The following RFT1 variants were observed in gnomAD, a reference collection of about 807,000 sequenced individuals.
RFT1 encodes the protein man(5)GlcNAc(2)-PP-dolichol translocation protein RFT1.
A neutral mutation model predicts 62.2 loss-of-function variants in RFT1; 43 were observed. That is an observed-to-expected ratio of 0.69 (90% CI 0.54 to 0.89). RFT1 has a LOEUF of 0.89. RFT1 is among the 40% of genes least tolerant of loss of function. The probability of loss-of-function intolerance (pLI) is 0.00; values close to 1 mark genes in which losing one functional copy is unlikely to be tolerated. For synonymous variants in RFT1, 262 were observed against 264.6 expected, an observed-to-expected ratio of 0.99 and a Z score of 0.10; for missense variants, 605 against 649.9, an observed-to-expected ratio of 0.93 and a Z score of 0.75.
downstream of RFT1, among the ~76,000 whole-genome samples, chr3:53,087,272 C>T (rs549512835): frequency 3.3e-5 from 5 of 152,098 alleles, no homozygotes; most frequent in South Asian, 2.1e-4. Context: ...ATCCCCTGTT[C>T]GGATTCTCTC....
intron 11 of RFT1, among the ~76,000 whole-genome samples, chr3:53,098,833 C>T (rs1701228771): frequency 6.9e-6 from 1 of 144,832 alleles, no homozygotes; most frequent in African/African-American, 2.5e-5. Flanking sequence ...AAAAGAACCA[C>T]TGGTAGGGGA....
At chr3:53,123,894 C>T (rs1421853639) in intron 2 of RFT1, 54 bp from the exon 3 acceptor site, 8 of 1,436,826 alleles carry the variant, frequency 5.6e-6, no homozygotes, top group Non-Finnish European at 7.8e-6. Context: ...ATAGAGAGAA[C>T]TTCTGGGATT....
the RFT1 span, chr3:53,077,785 C>T: frequency 1.3e-5 from 2 of 152,268 alleles, no homozygotes; most frequent in African/African-American, 4.8e-5. Context: ...TTGTGCTCAG[C>T]AGGGACACCA....
At chr3:53,109,439 A>C (rs756628764) in intron 7 of RFT1, among the ~76,000 whole-genome samples, 1 of 152,236 alleles carries the variant, frequency 6.6e-6, no homozygotes, top group Non-Finnish European at 1.5e-5. Flanking sequence ...CATTCATCTC[A>C]GTATTCTCAG....
downstream of RFT1, among the ~76,000 whole-genome samples, chr3:53,084,582 C>T (rs182465243): frequency 4.6e-5 from 7 of 152,266 alleles, no homozygotes; most frequent in East Asian, 1.9e-4. Flanking sequence ...TCACTGACTG[C>T]GATGACAGCT....
intron 1 of RFT1, among the ~76,000 whole-genome samples, chr3:53,127,652 T>TAAAA (rs34417920): frequency 7.3e-6 from 1 of 137,844 alleles, no homozygotes. Context: ...GACTCCATCT[T>TAAAA]AAAAAAAAAA....
intron 1 of RFT1, 77 bp from the exon 2 acceptor site, chr3:53,126,071 G>T: frequency 8.5e-7 from 1 of 1,173,708 alleles, no homozygotes; most frequent in Non-Finnish European, 1.2e-6. Context: ...GAACAATGTG[G>T]CTGTTCTTCC....
intron 6 of RFT1, among the ~76,000 whole-genome samples, chr3:53,119,047 CA>C (rs11328739): frequency 0.26 from 39,733 of 151,252 alleles, 5,604 homozygotes; most frequent in Middle Eastern, 0.39. Context: ...CCTGTCTCTA[CA>C]AAAAAAAATT....
At chr3:53,087,243 A>G (rs911248108), downstream of RFT1, among the ~76,000 whole-genome samples, 1 of 152,194 alleles carries the variant, frequency 6.6e-6, no homozygotes, top group African/African-American at 2.4e-5. Context: ...TCAAAAAATA[A>G]ATAAAATATG....
intron 9 of RFT1, 39 bp downstream of exon 9, chr3:53,105,634 G>T: frequency 6.2e-7 from 1 of 1,609,414 alleles, no homozygotes; most frequent in Middle Eastern, 1.7e-4. Flanking sequence ...CAATTAAAGG[G>T]AGAATTCACT....
rs888368815 is a variant in RFT1 at position 53,128,349 on chromosome 3, T to A, written c.63+1989A>T. On this transcript the variant is annotated intron_variant, in intron 1 of 12. Coordinates refer to ENST00000296292, the MANE Select transcript of RFT1 (RefSeq NM_052859.4). ...TACATACTTATGTTAACCTCAAAGT[T>A]ACCACTGTCTAAGAAACTTAATGTT... Among the ~76,000 whole-genome samples, 4 of 152,222 alleles carry A rather than the reference T, an allele frequency of 2.6e-5. No homozygotes were observed. In the South Asian group the frequency reaches 6.2e-4, roughly 24 times the overall value.
chr3:53,111,992 T>C (rs891869453), intron 6 of RFT1, 84 bp from the exon 7 acceptor site: 1 of 1,073,478 alleles, frequency 9.3e-7, no homozygotes, highest in Admixed American at 1.7e-5. Flanking sequence ...GCAAATGCAA[T>C]CTGGTCTCTA....
intron 1 of RFT1, among the ~76,000 whole-genome samples, chr3:53,128,297 C>T (rs188507256): frequency 3.3e-5 from 5 of 152,084 alleles, no homozygotes; most frequent in Admixed American, 1.3e-4. Context: ...GACTCCATCT[C>T]GAAAACAAAA....
intron 8 of RFT1, among the ~76,000 whole-genome samples, chr3:53,106,187 G>A (rs139646806): frequency 0.037 from 5,561 of 152,028 alleles, 339 homozygotes; most frequent in African/African-American, 0.13. Flanking sequence ...GAGCTGTGAT[G>A]GTACCACTGC....
In RFT1 at chr3:53,114,952, C is replaced by T. The variant is rs181833658; in HGVS notation, c.697-3044G>A. Reference sequence around the variant, plus strand: ...GAGTGTGGGGCTACCATCCTGTCCACTGCCCTCTGTCACCTCCTCCACCCT... The same window carrying T: ...GAGTGTGGGGCTACCATCCTGTCCATTGCCCTCTGTCACCTCCTCCACCCT... On this transcript the variant is annotated intron_variant, in intron 6 of 12. Transcript: ENST00000296292. Among the ~76,000 whole-genome samples, 383 of 152,298 alleles carry T rather than the reference C, an allele frequency of 2.5e-3. 1 individual carries two copies. Among genetic ancestry groups the T allele is most frequent in the Middle Eastern group, 0.01 (3 of 294 alleles).
intron 10 of RFT1, chr3:53,103,217 T>C (rs1198472068): frequency 7.1e-6 from 7 of 985,270 alleles, no homozygotes; most frequent in Non-Finnish European, 8.4e-6. Context: ...AAGCCCTTTA[T>C]ATTGAGATGG....
chr3:53,071,503 C>T, the RFT1 span, among the ~76,000 whole-genome samples: 2 of 152,158 alleles, frequency 1.3e-5, no homozygotes, highest in African/African-American at 4.8e-5. Flanking sequence ...CACACTGGCC[C>T]CAGGTCACAG....
At chr3:53,079,296 C>T in the RFT1 span, among the ~76,000 whole-genome samples, 1 of 152,208 alleles carries the variant, frequency 6.6e-6, no homozygotes, top group South Asian at 2.1e-4. Flanking sequence ...ATATGACCCA[C>T]ACCCCAAATG....
the RFT1 span, among the ~76,000 whole-genome samples, chr3:53,083,044 T>C: frequency 2.0e-5 from 3 of 149,820 alleles, no homozygotes; most frequent in East Asian, 6.0e-4. Context: ...AAAAATACTT[T>C]AAAAAAATTA....
Sources: gnomAD v4.1 joint callset for allele counts (sites outside exome capture counted in the v4.1 genomes callset) on GRCh38, gnomAD v4.1.1 for gene constraint, MANE v1.5 for transcripts, NCBI Gene and HGNC (gene_info 2026-07-23, HGNC 2026-07-21) for gene names.